TMLHE: variants seen among roughly 807,000 people sequenced by gnomAD.
TMLHE encodes the protein trimethyllysine dioxygenase, mitochondrial.
TMLHE carries 18 observed loss-of-function variants against 25.7 expected under a neutral mutation model. The observed-to-expected ratio is 0.70, with a 90% CI of 0.48 to 1.04. TMLHE has a LOEUF of 1.04. Ranked by LOEUF, TMLHE falls within the 50% of genes least tolerant of loss-of-function variation. The pLI is 0.00. For synonymous variants in TMLHE, 105 were observed against 97.0 expected (o/e 1.08, Z -0.49); for missense variants, 236 against 259.0 (o/e 0.91, Z 0.61).
At chrX:155,547,887 C>G (rs781954650) in intron 1 of TMLHE, among the ~76,000 whole-genome samples, 6 of 110,752 alleles carry the variant, frequency 5.4e-5, no homozygotes, top group Non-Finnish European at 1.1e-4. Context: ...ATTAAAATCT[C>G]CACACCTGCT....
intron 3 of TMLHE, among the ~76,000 whole-genome samples, chrX:155,516,969 G>T (rs1249017710): frequency 4.8e-5 from 3 of 62,403 alleles, no homozygotes; most frequent in African/African-American, 1.4e-4. Context: ...GTTGTAGGTT[G>T]CCTGTTCACT....
chrX:155,530,980 C>A (rs2067246389), intron 2 of TMLHE, among the ~76,000 whole-genome samples: 1 of 112,121 alleles, frequency 8.9e-6, no homozygotes, highest in African/African-American at 3.2e-5. Context: ...AACAACAGAC[C>A]AGAAGAACAG....
At chrX:155,522,008 C>G (rs947335754) in intron 3 of TMLHE, among the ~76,000 whole-genome samples, 18 of 110,267 alleles carry the variant, frequency 1.6e-4, no homozygotes, top group African/African-American at 5.0e-4. Context: ...GGGAGCTGTA[C>G]ACCGGAGCTG....
At chrX:155,611,857 C>T (rs2067824492) in intron 1 of TMLHE, among the ~76,000 whole-genome samples, 1 of 111,940 alleles carries the variant, frequency 8.9e-6, no homozygotes, top group African/African-American at 3.3e-5. Context: ...GTAAAATAAA[C>T]TGTATGTAAT....
At chrX:155,532,243 G>C (rs76556137) in intron 2 of TMLHE, among the ~76,000 whole-genome samples, 2 of 111,750 alleles carry the variant, frequency 1.8e-5, no homozygotes, top group Admixed American at 1.9e-4. Context: ...CCTACACACA[G>C]AAAAAAAGCA....
At chrX:155,601,226 A>T (rs1406201476) in intron 1 of TMLHE, among the ~76,000 whole-genome samples, 1 of 112,410 alleles carries the variant, frequency 8.9e-6, no homozygotes, top group Admixed American at 9.4e-5. Context: ...AAAGGAAATG[A>T]CACCAGATGG....
At chrX:155,549,997 A>G (rs1557339818) in intron 1 of TMLHE, among the ~76,000 whole-genome samples, 2 of 109,843 alleles carry the variant, frequency 1.8e-5, no homozygotes, top group African/African-American at 6.7e-5. Flanking sequence ...TTCCTGTGTT[A>G]GTTTGCTGAG....
intron 2 of TMLHE, among the ~76,000 whole-genome samples, chrX:155,538,218 T>C (rs1465113216): frequency 8.9e-6 from 1 of 111,742 alleles, no homozygotes; most frequent in Non-Finnish European, 1.9e-5. Flanking sequence ...AGTGAGATAA[T>C]GCAGTATTTG....
At chrX:155,599,981 T>C (rs1324148842) in intron 1 of TMLHE, among the ~76,000 whole-genome samples, 1 of 111,399 alleles carries the variant, frequency 9.0e-6, no homozygotes, top group African/African-American at 3.3e-5. Flanking sequence ...CCTAAACTTT[T>C]TAATATTAAC....
At chrX:155,547,729 A>G (rs1557339051) in intron 1 of TMLHE, among the ~76,000 whole-genome samples, 1 of 110,050 alleles carries the variant, frequency 9.1e-6, no homozygotes. Flanking sequence ...AAAAAAAAAA[A>G]GATGGGATTG....
At chrX:155,589,073 G>A (rs902038849) in intron 1 of TMLHE, among the ~76,000 whole-genome samples, 1 of 112,182 alleles carries the variant, frequency 8.9e-6, no homozygotes, top group African/African-American at 3.2e-5. Context: ...CAAAGATATA[G>A]AATAAACCTA....
chrX:155,553,803 A>G (rs1163968502), intron 1 of TMLHE, among the ~76,000 whole-genome samples: 1 of 109,962 alleles, frequency 9.1e-6, no homozygotes, highest in Non-Finnish European at 1.9e-5. Context: ...TTTAATTCTT[A>G]TACATTCTTT....
intron 4 of TMLHE, among the ~76,000 whole-genome samples, chrX:155,512,840 T>C (rs1292833326): frequency 1.8e-5 from 2 of 111,951 alleles, no homozygotes; most frequent in South Asian, 3.7e-4. Context: ...TGCTGTACCA[T>C]TGTTGTTGTG....
chrX:155,550,282 A>G (rs1195236488), intron 1 of TMLHE, among the ~76,000 whole-genome samples: 1 of 110,786 alleles, frequency 9.0e-6, no homozygotes, highest in Non-Finnish European at 1.9e-5. Context: ...CATGATGCAT[A>G]GTCGCAATCC....
chrX:155,523,990 G>T (rs1247400740), intron 3 of TMLHE, among the ~76,000 whole-genome samples: 7 of 112,028 alleles, frequency 6.2e-5, no homozygotes, highest in Non-Finnish European at 1.3e-4. Context: ...TTTGTGTGTT[G>T]ATCTTGTGTC....
In TMLHE at chrX:155,570,250, A is replaced by C. The variant is rs1293709514; in HGVS notation, c.-1-24973T>G. Among the ~76,000 whole-genome samples the C allele has an allele frequency of 9.1e-5, 5 of 54,893 alleles. 2 individuals are homozygous for C. The highest frequency in any genetic ancestry group is 2.3e-4 in the Non-Finnish European group (5 of 21,306). 47.7% of individuals were successfully genotyped at this position (54,893 alleles called of 115,157 possible). A position where few individuals can be genotyped will look rare whatever the true frequency, so the allele number is the denominator to read the frequency against. Reference sequence around the variant, plus strand: ...AAAGAGACAAAGAAGGCCATTACATAATGGTAAAGGGATCAATTCAACAAG... The same window carrying C: ...AAAGAGACAAAGAAGGCCATTACATCATGGTAAAGGGATCAATTCAACAAG... On this transcript the variant is annotated intron_variant, in intron 1 of 7. Coordinates refer to ENST00000334398, the MANE Select transcript of TMLHE (RefSeq NM_018196.4).
chrX:155,505,216 G>C (rs2067069542), intron 6 of TMLHE, among the ~76,000 whole-genome samples: 1 of 111,634 alleles, frequency 9.0e-6, no homozygotes, highest in South Asian at 3.7e-4. Context: ...GTAGAATCTA[G>C]ATGTAAGTCT....
intron 2 of TMLHE, among the ~76,000 whole-genome samples, chrX:155,542,572 G>T (rs931455689): frequency 2.1e-4 from 23 of 111,791 alleles, no homozygotes; most frequent in African/African-American, 7.1e-4. Flanking sequence ...CTTGAAAAAT[G>T]AGACCAAAAT....
chrX:155,541,804 G>A (rs966395722), intron 2 of TMLHE, among the ~76,000 whole-genome samples: 11 of 111,658 alleles, frequency 9.9e-5, no homozygotes, highest in Non-Finnish European at 5.6e-5. Context: ...CAGTGATGAT[G>A]AGCTTTTTTC....
Sources: allele counts gnomAD v4.1 joint callset (sites outside exome capture counted in the v4.1 genomes callset), GRCh38; gene constraint gnomAD v4.1.1; transcripts MANE v1.5; gene names NCBI Gene and HGNC (gene_info 2026-07-23, HGNC 2026-07-21).